Variants in CTTNBP2 observed in about 807,000 individuals in gnomAD.
The protein encoded by CTTNBP2 is cortactin binding protein 2.
A neutral mutation model predicts 156.9 loss-of-function variants in CTTNBP2; 108 were observed. The observed-to-expected ratio is 0.69, with a 90% CI of 0.59 to 0.81. The LOEUF is 0.81. Among genes scored for constraint, CTTNBP2 ranks in the 30% least tolerant of loss-of-function variants. The probability of loss-of-function intolerance (pLI) is 0.00; values close to 1 mark genes in which losing one functional copy is unlikely to be tolerated. For synonymous variants in CTTNBP2, 767 were observed against 751.8 expected, an observed-to-expected ratio of 1.02 and a Z score of -0.33; for missense variants, 1,924 against 2,035.4, an observed-to-expected ratio of 0.95 and a Z score of 1.05.
At chr7:117,756,944 G>C (rs111243375) in intron 11 of CTTNBP2, among the ~76,000 whole-genome samples, 3 of 152,272 alleles carry the variant, frequency 2.0e-5, no homozygotes, top group Non-Finnish European at 2.9e-5. Context: ...CAAACACTGT[G>C]CCCAGTATCT....
intron 1 of CTTNBP2, among the ~76,000 whole-genome samples, chr7:117,865,518 G>GA (rs1343684591): frequency 4.1e-5 from 6 of 147,560 alleles, no homozygotes; most frequent in East Asian, 2.0e-4. Flanking sequence ...AAAAAAAAAA[G>GA]AAAAAAAATT....
chr7:117,732,059 A>T (rs1795432943), intron 16 of CTTNBP2, among the ~76,000 whole-genome samples: 1 of 152,200 alleles, frequency 6.6e-6, no homozygotes, highest in Non-Finnish European at 1.5e-5. Context: ...GAGATGCTGT[A>T]TCTGGATTTG....
At chr7:117,850,385 T>C (rs1802863087) in intron 2 of CTTNBP2, among the ~76,000 whole-genome samples, 1 of 152,186 alleles carries the variant, frequency 6.6e-6, no homozygotes, top group Non-Finnish European at 1.5e-5. Context: ...ACCACCTCTA[T>C]ATTCATTGGT....
intron 3 of CTTNBP2, among the ~76,000 whole-genome samples, chr7:117,800,252 C>G (rs1191765683): frequency 6.6e-6 from 1 of 151,854 alleles, no homozygotes; most frequent in Non-Finnish European, 1.5e-5. Context: ...ACTATTAAAA[C>G]AATAGTCATC....
rs897937596 is a variant in CTTNBP2 at position 117,796,705 on chromosome 7, A to ATG, written c.415-3926_415-3925dup. On this transcript the variant is annotated intron_variant, in intron 3 of 22. Transcript: ENST00000160373. ...AACAGACTATTTGTATTATTTTAAA[A>ATG]TGTGTGTGTGACTTTGCACTATATT... is the stretch of plus-strand genomic sequence containing the variant. 2.6e-5 allele frequency among the ~76,000 whole-genome samples: 4 copies of ATG among 152,240 alleles called. No homozygotes were observed. The East Asian group carries it at 5.8e-4, about 22-fold the overall frequency.
At chr7:117,737,407 C>T (rs1013509494) in intron 14 of CTTNBP2, among the ~76,000 whole-genome samples, 2 of 152,084 alleles carry the variant, frequency 1.3e-5, no homozygotes, top group African/African-American at 4.8e-5. Context: ...AGTGCATCGC[C>T]AGTTTAAGTG....
At chr7:117,858,388 A>C (rs1584566309) in intron 2 of CTTNBP2, among the ~76,000 whole-genome samples, 1 of 152,280 alleles carries the variant, frequency 6.6e-6, no homozygotes, top group East Asian at 1.9e-4. Context: ...GAAAACAAAA[A>C]ACAAAACAAA....
rs777492122 is a variant in CTTNBP2 at position 117,719,643 on chromosome 7, C to G, written c.4512-7G>C. 2.5e-6 allele frequency: 4 copies of G among 1,604,802 alleles called. No homozygotes were observed. In the East Asian group the frequency reaches 9.0e-5, roughly 36 times the overall value. On this transcript the variant is annotated splice_region_variant and splice_polypyrimidine_tract_variant and intron_variant, in intron 20 of 22. Coordinates refer to ENST00000160373, the MANE Select transcript of CTTNBP2 (RefSeq NM_033427.3). ...TAGATCATTCTCTAAAGACCTAACACAAAGTTCAGAAAAACGTTTTTCAAA... is the reference window on the plus strand; with the variant it reads ...TAGATCATTCTCTAAAGACCTAACAGAAAGTTCAGAAAAACGTTTTTCAAA...
At chr7:117,748,955 G>T (rs945809795) in intron 12 of CTTNBP2, among the ~76,000 whole-genome samples, 1 of 152,188 alleles carries the variant, frequency 6.6e-6, no homozygotes, top group African/African-American at 2.4e-5. Context: ...ATGAAAAGGT[G>T]CCATCTATGA....
chr7:117,802,425 C>T (rs1410757842), intron 3 of CTTNBP2, among the ~76,000 whole-genome samples: 1 of 134,050 alleles, frequency 7.5e-6, no homozygotes, highest in Non-Finnish European at 1.6e-5. Flanking sequence ...CCATTCTAGA[C>T]TTCAGCATTG....
intron 2 of CTTNBP2, among the ~76,000 whole-genome samples, chr7:117,822,716 A>T (rs1476320265): frequency 1.3e-5 from 2 of 152,228 alleles, no homozygotes; most frequent in Non-Finnish European, 2.9e-5. Flanking sequence ...TATTGAGGTC[A>T]CTGAATACAT....
rs61533705 is a variant in CTTNBP2, at chr7:117,865,671, C to CAA, written c.82-4357_82-4356dup. Among the ~76,000 whole-genome samples the CAA allele has an allele frequency of 7.9e-4, 59 of 74,498 alleles. 1 individual carries two copies. The highest frequency in any genetic ancestry group is 3.7e-3 in the South Asian group (7 of 1,908). 48.9% of individuals were successfully genotyped at this position (74,498 alleles called of 152,430 possible). A position where few individuals can be genotyped will look rare whatever the true frequency, so the allele number is the denominator to read the frequency against. ...TGGTGACAGAACAAGACTCCATCTC[C>CAA]AAAAAAAAAAAAAAAAAAAGAAAAG... is the stretch of plus-strand genomic sequence containing the variant. On this transcript the variant is annotated intron_variant, in intron 1 of 22. Coordinates refer to ENST00000160373, the MANE Select transcript of CTTNBP2 (RefSeq NM_033427.3).
chr7:117,871,359 T>C (rs1035608392), intron 1 of CTTNBP2, among the ~76,000 whole-genome samples: 4 of 152,216 alleles, frequency 2.6e-5, no homozygotes, highest in Non-Finnish European at 4.4e-5. Flanking sequence ...AAAGCCATCA[T>C]CAAAATTTTA....
intron 3 of CTTNBP2, among the ~76,000 whole-genome samples, chr7:117,799,560 A>G (rs1297289359): frequency 3.3e-5 from 5 of 152,110 alleles, no homozygotes; most frequent in Non-Finnish European, 7.4e-5. Context: ...TAATGATGAA[A>G]CATGAAATAT....
intron 5 of CTTNBP2, among the ~76,000 whole-genome samples, chr7:117,783,210 T>C (rs1393532273): frequency 6.6e-6 from 1 of 152,134 alleles, no homozygotes; most frequent in Non-Finnish European, 1.5e-5. Context: ...CATGTGCCCA[T>C]GCGTGTGTGC....
intron 2 of CTTNBP2, among the ~76,000 whole-genome samples, chr7:117,847,769 T>C (rs914406473): frequency 6.6e-6 from 1 of 151,750 alleles, no homozygotes; most frequent in Non-Finnish European, 1.5e-5. Context: ...TGATATGTTT[T>C]CCATGCTTTT....
Position 117,721,095 on chromosome 7 carries a change from T to TA in CTTNBP2, c.4482dup (p.Asn1495Ter). The TA allele has an allele frequency of 6.2e-7, 1 of 1,607,006 alleles. No individual in the cohort carries two copies. The highest frequency in any genetic ancestry group is 8.5e-7 in the Non-Finnish European group (1 of 1,173,548). ...TGTTTTGACAGAGAAGCATTCCTGTTACAATTCAGCTGTGATATAGTCTTA... is the reference window on the plus strand; with the variant it reads ...TGTTTTGACAGAGAAGCATTCCTGTTAACAATTCAGCTGTGATATAGTCTTA... On this transcript the variant is annotated frameshift_variant, in exon 20 of 23. Transcript: ENST00000160373. LOFTEE classifies it high-confidence loss of function.
intron 2 of CTTNBP2, 54 bp downstream of exon 2, chr7:117,861,155 C>T (rs1803710961): frequency 9.0e-7 from 1 of 1,108,116 alleles, no homozygotes; most frequent in Non-Finnish European, 1.3e-6. Context: ...GCCAATGGCT[C>T]TTTGAAAAAA....
At chr7:117,813,874 AC>A (rs1800426923) in intron 2 of CTTNBP2, among the ~76,000 whole-genome samples, 1 of 152,202 alleles carries the variant, frequency 6.6e-6, no homozygotes, top group Non-Finnish European at 1.5e-5. Context: ...ATTATTTTAT[AC>A]CCTCAATGTG....
Sources: allele counts gnomAD v4.1 joint callset (sites outside exome capture counted in the v4.1 genomes callset), GRCh38; gene constraint gnomAD v4.1.1; transcripts MANE v1.5; gene names NCBI Gene and HGNC (gene_info 2026-07-23, HGNC 2026-07-21).